Variants in RAB3GAP2 observed in about 807,000 individuals in gnomAD.
RAB3GAP2 encodes the protein RAB3 GTPase activating non-catalytic protein subunit 2.
A neutral mutation model predicts 185.3 loss-of-function variants in RAB3GAP2; 87 were observed. That is an observed-to-expected ratio of 0.47 (90% CI 0.39 to 0.56). The LOEUF (loss-of-function observed/expected upper bound fraction) is 0.56. Ranked by LOEUF, RAB3GAP2 falls within the 20% of genes least tolerant of loss-of-function variation. RAB3GAP2 has a pLI of 0.00. For missense variants in RAB3GAP2, 1,492 were observed against 1,638.2 expected, an observed-to-expected ratio of 0.91 and a Z score of 1.54; for synonymous variants, 554 against 576.1, an observed-to-expected ratio of 0.96 and a Z score of 0.55.
intron 21 of RAB3GAP2, among the ~76,000 whole-genome samples, chr1:220,180,624 G>T (rs182968673): frequency 5.3e-5 from 8 of 152,312 alleles, no homozygotes; most frequent in Admixed American, 4.6e-4. Context: ...CAGATCTGAT[G>T]AATTTCCTGC....
At chr1:220,180,205 T>A (rs1315207532) in intron 21 of RAB3GAP2, among the ~76,000 whole-genome samples, 1 of 151,598 alleles carries the variant, frequency 6.6e-6, no homozygotes, top group African/African-American at 2.4e-5. Context: ...AACACCTCAA[T>A]AAAAAGACTC....
At chr1:220,264,433 G>A (rs980612085) in intron 1 of RAB3GAP2, among the ~76,000 whole-genome samples, 1 of 151,910 alleles carries the variant, frequency 6.6e-6, no homozygotes, top group African/African-American at 2.4e-5. Flanking sequence ...ACTATAATAA[G>A]ACTACAAACG....
At chr1:220,268,347 C>T (rs1278794716) in intron 1 of RAB3GAP2, among the ~76,000 whole-genome samples, 2 of 152,170 alleles carry the variant, frequency 1.3e-5, no homozygotes, top group African/African-American at 4.8e-5. Context: ...AATCTTCTAA[C>T]ACAAAGTCTA....
chr1:220,193,528 TCA>T, intron 12 of RAB3GAP2, 149 bp from the exon 13 acceptor site: 1 of 812,948 alleles, frequency 1.2e-6, no homozygotes, highest in Non-Finnish European at 1.9e-6. Flanking sequence ...AATTTATTAA[TCA>T]CAACTGACAT....
chr1:220,195,419 C>A, intron 10 of RAB3GAP2, 42 bp from the exon 11 acceptor site: 1 of 1,486,938 alleles, frequency 6.7e-7, no homozygotes, highest in East Asian at 2.3e-5. Flanking sequence ...TAGTAGCTTA[C>A]AAAGAAACAA....
chr1:220,266,754 A>G (rs1244841862), intron 1 of RAB3GAP2: 1 of 1,589,288 alleles, frequency 6.3e-7, no homozygotes, highest in African/African-American at 1.3e-5. Context: ...GATGGTTTTG[A>G]TGAATTTGCT....
intron 31 of RAB3GAP2, 135 bp from the exon 32 acceptor site, chr1:220,154,192 T>A (rs1657815125): frequency 7.7e-7 from 1 of 1,291,392 alleles, no homozygotes; most frequent in Admixed American, 2.6e-5. Flanking sequence ...TTTAGAATAA[T>A]TTTTATAACA....
chr1:220,159,889 C>A (rs1657933189), intron 28 of RAB3GAP2, among the ~76,000 whole-genome samples: 1 of 151,926 alleles, frequency 6.6e-6, no homozygotes, highest in South Asian at 2.1e-4. Context: ...TGGTGGCATG[C>A]ACCTGTAGTC....
Position 220,206,891 on chromosome 1 carries a change from T to C in RAB3GAP2, c.613-885A>G, listed in dbSNP as rs543417470. Among the ~76,000 whole-genome samples the C allele has an allele frequency of 1.6e-4, 24 of 152,290 alleles. No individual in the cohort carries two copies. The South Asian group carries it at 4.1e-3, about 26-fold the overall frequency. On this transcript the variant is annotated intron_variant, in intron 7 of 34. Coordinates refer to ENST00000358951, the MANE Select transcript of RAB3GAP2 (RefSeq NM_012414.4). ...CCTCCATCTCAAACAACATACATATTCTCTTGGCACATTACTATCTTATCA... is the reference window on the plus strand; with the variant it reads ...CCTCCATCTCAAACAACATACATATCCTCTTGGCACATTACTATCTTATCA...
intron 1 of RAB3GAP2, among the ~76,000 whole-genome samples, chr1:220,240,894 T>A (rs1448824308): frequency 6.6e-6 from 1 of 152,128 alleles, no homozygotes; most frequent in Non-Finnish European, 1.5e-5. Context: ...ATAAAACCAA[T>A]GACTTCAAAA....
At chr1:220,232,734 G>T (rs1659524027) in intron 2 of RAB3GAP2, 65 bp downstream of exon 2, 1 of 1,363,692 alleles carries the variant, frequency 7.3e-7, no homozygotes, top group Non-Finnish European at 1.1e-6. Flanking sequence ...AGGGAAATAT[G>T]TCACCATCAT....
intron 7 of RAB3GAP2, among the ~76,000 whole-genome samples, chr1:220,206,972 C>A (rs1490596454): frequency 6.6e-6 from 1 of 152,210 alleles, no homozygotes; most frequent in Non-Finnish European, 1.5e-5. Flanking sequence ...ATATCTCTAG[C>A]TGCTTACTGT....
intron 33 of RAB3GAP2, 59 bp downstream of exon 33, chr1:220,153,126 T>C: frequency 7.6e-7 from 1 of 1,308,228 alleles, no homozygotes; most frequent in Non-Finnish European, 1.1e-6. Flanking sequence ...ACTGATTCTT[T>C]ATTCCAACTA....
chr1:220,272,364 T>C lies in RAB3GAP2; in HGVS notation c.-27A>G, dbSNP rs2102542668. Reference sequence around the variant, plus strand: ...GCTCCAGGGAACCCCACTACGGCACTCACCTTACCTCACCACGCCCTGCCC... The same window carrying C: ...GCTCCAGGGAACCCCACTACGGCACCCACCTTACCTCACCACGCCCTGCCC... On this transcript the variant is annotated 5_prime_UTR_variant, in exon 1 of 35. Coordinates refer to ENST00000358951, the MANE Select transcript of RAB3GAP2 (RefSeq NM_012414.4). 4 of 1,501,866 alleles carry C rather than the reference T, an allele frequency of 2.7e-6. No individual in the cohort carries two copies. The highest frequency in any genetic ancestry group is 3.7e-6 in the Non-Finnish European group (4 of 1,089,158). 93.0% of individuals were successfully genotyped at this position (1,501,866 alleles called of 1,614,324 possible). A position where few individuals can be genotyped will look rare whatever the true frequency, so the allele number is the denominator to read the frequency against.
intron 1 of RAB3GAP2, among the ~76,000 whole-genome samples, chr1:220,271,814 C>G (rs1660338010): frequency 6.6e-6 from 1 of 150,950 alleles, no homozygotes; most frequent in South Asian, 2.1e-4. Flanking sequence ...TGACATGTGG[C>G]AAGGAACGGG....
intron 1 of RAB3GAP2, among the ~76,000 whole-genome samples, chr1:220,240,173 A>G (rs1179712762): frequency 6.6e-6 from 1 of 152,192 alleles, no homozygotes; most frequent in South Asian, 2.1e-4. Flanking sequence ...TGTTACTTTC[A>G]TGCTACGATT....
intron 7 of RAB3GAP2, 78 bp downstream of exon 7, chr1:220,210,310 T>G (rs1659056068): frequency 9.6e-7 from 1 of 1,039,140 alleles, no homozygotes; most frequent in Non-Finnish European, 1.5e-6. Context: ...CTCTTTTAAG[T>G]TTCTACCTAA....
In RAB3GAP2 at chr1:220,195,363, TG is replaced by T. The variant is rs1286069882; in HGVS notation, c.974del (p.Pro325HisfsTer8). 6.2e-7 allele frequency: 1 copy of T among 1,612,518 alleles called. No individual in the cohort carries two copies. The highest frequency in any genetic ancestry group is 2.2e-5 in the East Asian group (1 of 44,838). On this transcript the variant is annotated frameshift_variant, in exon 11 of 35. Coordinates refer to ENST00000358951, the MANE Select transcript of RAB3GAP2 (RefSeq NM_012414.4). LOFTEE classifies it high-confidence loss of function. ...FFYALEGSTQPLLSHVALAVA... is the reference protein window; with the variant it reads ...FFYALEGSTQXLLSHVALAVA... The stretch of plus-strand genomic sequence containing the variant: ...CTGCTAGTGCAACATGGGATAATAA[TG>T]GTTGTGTGCTTCCCTGAAAAACAGA...
chr1:220,181,241 C>A (rs1658399059), intron 21 of RAB3GAP2, among the ~76,000 whole-genome samples: 1 of 152,160 alleles, frequency 6.6e-6, no homozygotes, highest in Non-Finnish European at 1.5e-5. Flanking sequence ...CATGCCTCAG[C>A]CTCTTGAGTA....
Sources: gnomAD v4.1 joint callset for allele counts (sites outside exome capture counted in the v4.1 genomes callset) on GRCh38, gnomAD v4.1.1 for gene constraint, MANE v1.5 for transcripts, NCBI Gene and HGNC (gene_info 2026-07-23, HGNC 2026-07-21) for gene names.